NAV3: variants seen among roughly 807,000 people sequenced by gnomAD.
The protein encoded by NAV3 is neuron navigator 3.
Under a neutral mutation model 244.7 loss-of-function variants are expected in NAV3, and 87 were observed. The observed-to-expected ratio is 0.36, with a 90% CI of 0.30 to 0.42. The LOEUF is 0.42. NAV3 is among the 20% of genes least tolerant of loss of function. The probability of loss-of-function intolerance (pLI) is 1.00; values close to 1 mark genes in which losing one functional copy is unlikely to be tolerated. For synonymous variants in NAV3, 1,126 were observed against 1,042.2 expected (o/e 1.08, Z -1.55); for missense variants, 2,663 against 2,893.3 (o/e 0.92, Z 1.83).
rs762661672 is a variant in NAV3 at position 78,121,985 on chromosome 12, T to C, written c.3795T>C (p.Asn1265=). The change falls in exon 16 of 40, where the codon AAT becomes AAC. Residue 1265 remains asparagine (N), a synonymous_variant. Coordinates refer to ENST00000397909, the MANE Select transcript of NAV3 (RefSeq NM_001024383.2). ...KAGGKSASAP[N]TEGVKSSSVM... ...GTGGCAAATCTGCCTCTGCACCTAA[T>C]ACTGAGGGTGTGAAATCTTCCTCAG... 5 of 1,614,198 alleles carry C rather than the reference T, an allele frequency of 3.1e-6. No individual in the cohort carries two copies. Among genetic ancestry groups the C allele is most frequent in the Non-Finnish European group, 4.2e-6 (5 of 1,180,028 alleles).
At chr12:78,157,775 G>T (rs1408017522) in intron 22 of NAV3, among the ~76,000 whole-genome samples, 1 of 151,482 alleles carries the variant, frequency 6.6e-6, no homozygotes, top group Non-Finnish European at 1.5e-5. Flanking sequence ...TGGAGAGTGG[G>T]TGTGTTTGTG....
chr12:77,680,682 T>C (rs1428295632), intron 2 of NAV3, among the ~76,000 whole-genome samples: 2 of 152,182 alleles, frequency 1.3e-5, no homozygotes, highest in African/African-American at 2.4e-5. Flanking sequence ...GTGCCCTTTA[T>C]TGATTTTCAG....
intron 4 of NAV3, among the ~76,000 whole-genome samples, chr12:77,967,583 GAGGATGCATTTTATTGCCAACATCAAGTT>G (rs1892630759): frequency 1.3e-5 from 2 of 152,102 alleles, no homozygotes; most frequent in Non-Finnish European, 2.9e-5. Context: ...AATCTCAGAG[GAGGATGCATTTTATTGCCAACATCAAGTT>G]TTATTTAAAA....
At position 78,006,497 on chromosome 12, in the gene NAV3, C is replaced by A. The variant is rs776672036; in HGVS notation, c.959C>A (p.Ala320Asp). The change falls in exon 8 of 40, where the codon GCC (alanine) becomes GAC (aspartate). Residue 320 changes from alanine to aspartate, a missense_variant. Physicochemically the swap from Ala to Asp is moderately radical, Grantham distance 126. Around this residue, in one of 6 missense-constraint regions of NAV3, gnomAD observed 1,521 missense variants for 1,497.0 expected, o/e 1.02. Coordinates refer to ENST00000397909, the MANE Select transcript of NAV3 (RefSeq NM_001024383.2). ...QPPSTAGQPP[A>D]SAIPSPSASK... ...CCCAGTACTGCTGGGCAGCCTCCTGCCTCTGCCATCCCTTCTCCAAGTGCC... is the reference window on the plus strand; with the variant it reads ...CCCAGTACTGCTGGGCAGCCTCCTGACTCTGCCATCCCTTCTCCAAGTGCC... The A allele has an allele frequency of 6.2e-7, 1 of 1,613,918 alleles. No individual in the cohort carries two copies. Among genetic ancestry groups the A allele is most frequent in the South Asian group, 1.1e-5 (1 of 91,082 alleles).
At chr12:77,593,280 CTGTG>C (rs10538987) in intron 2 of NAV3, among the ~76,000 whole-genome samples, 93,588 of 148,938 alleles carry the variant, frequency 0.63, 29,709 homozygotes, top group East Asian at 0.94. Flanking sequence ...GTATGTGTGT[CTGTG>C]TGTGTGTGTG....
chr12:78,098,364 CATG>C (rs1261064061), intron 12 of NAV3, among the ~76,000 whole-genome samples: 1 of 151,902 alleles, frequency 6.6e-6, no homozygotes, highest in African/African-American at 2.4e-5. Flanking sequence ...TTTAAAACAT[CATG>C]ATATTACTAT....
intron 12 of NAV3, among the ~76,000 whole-genome samples, chr12:78,076,927 G>C (rs1404847467): frequency 2.6e-5 from 4 of 152,000 alleles, no homozygotes; most frequent in Admixed American, 2.6e-4. Context: ...TATAATACTA[G>C]GATATCTGAT....
At chr12:77,761,204 G>A (rs1402990993) in intron 2 of NAV3, among the ~76,000 whole-genome samples, 2 of 152,060 alleles carry the variant, frequency 1.3e-5, no homozygotes, top group Non-Finnish European at 2.9e-5. Context: ...GATTCCAGGT[G>A]CCCACCACCG....
At chr12:77,681,605 C>G (rs1874471318) in intron 2 of NAV3, among the ~76,000 whole-genome samples, 1 of 152,102 alleles carries the variant, frequency 6.6e-6, no homozygotes, top group Non-Finnish European at 1.5e-5. Context: ...TGTTAATAAT[C>G]AACTGTTTTT....
intron 1 of NAV3, 127 bp downstream of exon 1, chr12:77,831,831 T>A (rs1394844031): frequency 4.7e-6 from 5 of 1,069,372 alleles, no homozygotes; most frequent in Non-Finnish European, 6.5e-6. Flanking sequence ...TAAGTAGTTA[T>A]AATGGCTGAA....
intron 2 of NAV3, among the ~76,000 whole-genome samples, chr12:77,578,351 ACC>A (rs887483272): frequency 7.9e-5 from 12 of 152,122 alleles, no homozygotes; most frequent in Non-Finnish European, 1.5e-4. Flanking sequence ...TTCTGAGAGC[ACC>A]CCAGGAGGAT....
At chr12:77,783,354 G>C (rs1287548617) in intron 2 of NAV3, 1 of 152,064 alleles carries the variant, frequency 6.6e-6, no homozygotes, top group Admixed American at 6.6e-5. Context: ...CTGATTGCCA[G>C]TATCTGGCAG....
rs377645841 is a variant in NAV3 at position 78,050,752 on chromosome 12, T to C, written c.2133-12T>C. 28 of 1,572,292 alleles carry C rather than the reference T, an allele frequency of 1.8e-5. No homozygotes were observed. Among genetic ancestry groups the C allele is most frequent in the Admixed American group, 5.3e-5 (3 of 56,926 alleles). Reference sequence around the variant, plus strand: ...AACCAGAGTATAGTTATTTCTCCATTTTATTTGACAGCACCCTGGAGACAA... The same window carrying C: ...AACCAGAGTATAGTTATTTCTCCATCTTATTTGACAGCACCCTGGAGACAA... On this transcript the variant is annotated splice_polypyrimidine_tract_variant and intron_variant, in intron 10 of 39. Transcript: ENST00000397909.
At chr12:77,797,211 T>A (rs550196745) in intron 2 of NAV3, among the ~76,000 whole-genome samples, 1 of 152,322 alleles carries the variant, frequency 6.6e-6, no homozygotes, top group South Asian at 2.1e-4. Context: ...GAATATGCAT[T>A]ATTGTCTCCA....
rs375169813 is a variant in NAV3 at position 78,051,035 on chromosome 12, A to G, written c.2404A>G (p.Ser802Gly). ...GGGAAACATGTCACAGATTGACATG[A>G]GTGAGAAAGCAAGCAGTGACCTGGA... ...RLGNMSQIDMSEKASSDLDMS... is the reference protein window; with the variant it reads ...RLGNMSQIDMGEKASSDLDMS... The change falls in exon 11 of 40, where the codon AGT becomes GGT. Residue 802 changes from serine to glycine, a missense_variant. By Grantham distance (56) the Ser-to-Gly change is moderately conservative. Coordinates refer to ENST00000397909, the MANE Select transcript of NAV3 (RefSeq NM_001024383.2). 33 of 1,613,964 alleles carry G rather than the reference A, an allele frequency of 2.0e-5. No individual in the cohort carries two copies. The highest frequency in any genetic ancestry group is 2.7e-5 in the African/African-American group (2 of 74,880).
intron 2 of NAV3, among the ~76,000 whole-genome samples, chr12:77,675,317 T>C (rs899707971): frequency 3.6e-4 from 55 of 152,256 alleles, no homozygotes; most frequent in African/African-American, 1.3e-3. Context: ...GCTAGGCAAG[T>C]CAACAGTTCT....
chr12:77,795,123 C>A (rs1004265441), intron 2 of NAV3, among the ~76,000 whole-genome samples: 7 of 152,130 alleles, frequency 4.6e-5, no homozygotes, highest in African/African-American at 1.4e-4. Flanking sequence ...AGCCAGTTAG[C>A]CAAGTAGCAA....
chr12:78,107,510 G>A (rs1279086720), intron 12 of NAV3, among the ~76,000 whole-genome samples: 3 of 151,972 alleles, frequency 2.0e-5, no homozygotes, highest in African/African-American at 7.2e-5. Context: ...GAAAGTGTAT[G>A]ATAACCTATG....
intron 12 of NAV3, among the ~76,000 whole-genome samples, chr12:78,110,130 A>G (rs1391023185): frequency 6.6e-6 from 1 of 152,098 alleles, no homozygotes; most frequent in Non-Finnish European, 1.5e-5. Flanking sequence ...AAAAGTCAGT[A>G]GCATTTCTAT....
Sources: allele counts gnomAD v4.1 joint callset (sites outside exome capture counted in the v4.1 genomes callset), GRCh38; gene constraint gnomAD v4.1.1; regional missense constraint gnomAD v4.1.1; transcripts MANE v1.5; gene names NCBI Gene and HGNC (gene_info 2026-07-23, HGNC 2026-07-21).